BLNK: variants seen among roughly 807,000 people sequenced by gnomAD.
BLNK encodes B-cell linker protein.
BLNK carries 29 observed loss-of-function variants against 73.5 expected under a neutral mutation model. That is an observed-to-expected ratio of 0.39 (90% CI 0.29 to 0.54). The LOEUF (loss-of-function observed/expected upper bound fraction) is 0.54, where lower values mean the gene tolerates loss of function less well. Ranked by LOEUF, BLNK falls within the 20% of genes least tolerant of loss-of-function variation. BLNK has a pLI of 0.61. For synonymous variants in BLNK, 176 were observed against 200.8 expected, an observed-to-expected ratio of 0.88 and a Z score of 1.04; for missense variants, 460 against 562.8, an observed-to-expected ratio of 0.82 and a Z score of 1.85.
At chr10:96,205,319 T>A (rs1554897180) in intron 11 of BLNK, 1 of 152,572 alleles carries the variant, frequency 6.6e-6, no homozygotes, top group Non-Finnish European at 1.5e-5. Flanking sequence ...AATTTGTCGT[T>A]GGGGGGTGGG....
At chr10:96,220,596 C>T (rs188555526) in intron 6 of BLNK, among the ~76,000 whole-genome samples, 131 of 152,222 alleles carry the variant, frequency 8.6e-4, no homozygotes, top group Non-Finnish European at 1.6e-3. Flanking sequence ...ATAATGTGGT[C>T]TTATTGACCA....
At chr10:96,207,163 T>C in intron 10 of BLNK, 110 bp from the exon 11 acceptor site, 1 of 956,476 alleles carries the variant, frequency 1.0e-6, no homozygotes, top group South Asian at 1.4e-5. Context: ...CTTTGATGCA[T>C]TGCTATTCTT....
rs782804653 is a variant in BLNK at position 96,227,456 on chromosome 10, G to T, written c.315C>A (p.Thr105=). 7.5e-5 allele frequency: 121 copies of T among 1,614,112 alleles called. 2 individuals are homozygous for T. In the South Asian group the frequency reaches 1.3e-3, roughly 17 times the overall value. ...AGGGCAGGGCTGGGTGAACCGGCCT[G>T]GTTTCCTGCTCTACTGGAGGCGGCT... ...SYEPPPVEQE[T]RPVHPALPFA... is the part of the protein sequence containing the mutation. The change falls in exon 5 of 17, where the codon ACC becomes ACA. Residue 105 remains threonine, a synonymous_variant. Coordinates refer to ENST00000224337, the MANE Select transcript of BLNK (RefSeq NM_013314.4).
intron 4 of BLNK, among the ~76,000 whole-genome samples, chr10:96,228,906 A>G (rs1842383911): frequency 1.3e-5 from 2 of 152,060 alleles, no homozygotes; most frequent in Admixed American, 6.5e-5. Flanking sequence ...GCAATTTTAT[A>G]TAGCAGGATT....
intron 6 of BLNK, among the ~76,000 whole-genome samples, chr10:96,220,197 CAA>C (rs1214160337): frequency 6.6e-6 from 1 of 152,088 alleles, no homozygotes; most frequent in African/African-American, 2.4e-5. Context: ...CACTGTCTTG[CAA>C]GAGAGAGAGA....
In BLNK at chr10:96,209,935, C is replaced by T. The variant is rs782728521; in HGVS notation, c.677-28G>A. On this transcript the variant is annotated intron_variant, in intron 8 of 16. Coordinates refer to ENST00000224337, the MANE Select transcript of BLNK (RefSeq NM_013314.4). Reference sequence around the variant, plus strand: ...GCACAAACATATACACTACTCAGTCCCCAAGTCCTGAGCCGGGGGCTGATG... The same window carrying T: ...GCACAAACATATACACTACTCAGTCTCCAAGTCCTGAGCCGGGGGCTGATG... 76 of 1,613,792 alleles carry T rather than the reference C, an allele frequency of 4.7e-5. No homozygotes were observed. The South Asian group carries it at 8.0e-4, about 17-fold the overall frequency.
At chr10:96,209,988 G>C in intron 8 of BLNK, 81 bp from the exon 9 acceptor site, 1 of 1,448,152 alleles carries the variant, frequency 6.9e-7, no homozygotes, top group South Asian at 1.1e-5. Context: ...CTCTCTGGCA[G>C]GCTCAGAAAT....
At chr10:96,213,038 G>A (rs1358130499) in intron 8 of BLNK, among the ~76,000 whole-genome samples, 1 of 152,144 alleles carries the variant, frequency 6.6e-6, no homozygotes, top group African/African-American at 2.4e-5. Context: ...TTAAAATACA[G>A]CTATACCAGG....
chr10:96,194,836 T>G (rs1435701180), intron 16 of BLNK, among the ~76,000 whole-genome samples: 1 of 137,304 alleles, frequency 7.3e-6, no homozygotes, highest in Non-Finnish European at 1.5e-5. Flanking sequence ...AGTGGCGCGA[T>G]CTCGACTCAC....
rs587658375 is a variant in BLNK at position 96,228,332 on chromosome 10, A to G, written c.205-766T>C. 2.0e-4 allele frequency among the ~76,000 whole-genome samples: 30 copies of G among 152,206 alleles called. No homozygotes were observed. In the East Asian group the frequency reaches 5.2e-3, roughly 26 times the overall value. On this transcript the variant is annotated intron_variant, in intron 4 of 16. Transcript: ENST00000224337. ...GAGTGCAGTGGCAGGATCTCAGCTC[A>G]CTGCAACCTCTACTTCCTGGGTTCA...
intron 9 of BLNK, 96 bp downstream of exon 9, chr10:96,209,742 C>T: frequency 1.4e-6 from 2 of 1,461,688 alleles, no homozygotes; most frequent in Middle Eastern, 1.8e-4. Context: ...TGCAGCCTGC[C>T]ATGGGGAGAA....
At chr10:96,218,253 T>C (rs370579715) in intron 6 of BLNK, among the ~76,000 whole-genome samples, 1 of 152,220 alleles carries the variant, frequency 6.6e-6, no homozygotes, top group African/African-American at 2.4e-5. Flanking sequence ...TTGCCAGGTG[T>C]TCTTCTAAGT....
rs368557468 is a variant in BLNK at position 96,261,019 on chromosome 10, AT to A, written c.47+10332del. Among the ~76,000 whole-genome samples, 413 of 151,840 alleles carry A rather than the reference AT, an allele frequency of 2.7e-3. 7 individuals are homozygous for A. Among genetic ancestry groups the A allele is most frequent in the Middle Eastern group, 0.024 (7 of 292 alleles). ...CCATCATGCCCAGCTAATTTTTTGT[AT>A]TTTTTGTAGAGACAGGGTTTCGCCA... On this transcript the variant is annotated intron_variant, in intron 1 of 16. Transcript: ENST00000224337.
intron 6 of BLNK, among the ~76,000 whole-genome samples, chr10:96,223,082 G>C (rs12777955): frequency 6.6e-6 from 1 of 152,146 alleles, no homozygotes; most frequent in Admixed American, 6.5e-5. Flanking sequence ...TCAAGCATGC[G>C]CATTAAGAGG....
intron 13 of BLNK, among the ~76,000 whole-genome samples, chr10:96,201,809 A>G (rs1410433571): frequency 6.6e-6 from 1 of 152,242 alleles, no homozygotes; most frequent in Non-Finnish European, 1.5e-5. Flanking sequence ...TTGGGGATAT[A>G]CAGCAGTTAA....
At position 96,211,072 on chromosome 10, in the gene BLNK, C is replaced by G. The variant is rs190777609; in HGVS notation, c.677-1165G>C. On this transcript the variant is annotated intron_variant, in intron 8 of 16. Transcript: ENST00000224337. ...CCAGATGAGATTTTGCCATGTTGCC[C>G]AGGCTGGCCTTGAACTCCTGGACTC... Among the ~76,000 whole-genome samples the G allele has an allele frequency of 1.4e-4, 22 of 152,044 alleles. No homozygotes were observed. In the East Asian group the frequency reaches 2.1e-3, roughly 15 times the overall value.
chr10:96,259,346 A>G (rs1425087635), intron 1 of BLNK, among the ~76,000 whole-genome samples: 1 of 152,176 alleles, frequency 6.6e-6, no homozygotes, highest in East Asian at 1.9e-4. Flanking sequence ...AGGGAGAGTA[A>G]AAAGAGGAAA....
At chr10:96,255,048 A>C (rs1843451839) in intron 1 of BLNK, among the ~76,000 whole-genome samples, 1 of 152,228 alleles carries the variant, frequency 6.6e-6, no homozygotes, top group Non-Finnish European at 1.5e-5. Flanking sequence ...AACCACTGAC[A>C]GTGTTCTCAG....
chr10:96,248,344 A>G (rs2134096948), intron 1 of BLNK, among the ~76,000 whole-genome samples: 1 of 152,368 alleles, frequency 6.6e-6, no homozygotes, highest in African/African-American at 2.4e-5. Context: ...AAAGATATGA[A>G]CACACAGCTA....
Sources: allele counts gnomAD v4.1 joint callset (sites outside exome capture counted in the v4.1 genomes callset), GRCh38; gene constraint gnomAD v4.1.1; transcripts MANE v1.5; gene names NCBI Gene and HGNC (gene_info 2026-07-23, HGNC 2026-07-21).